The following TMEM116 variants were observed in gnomAD, a reference collection of about 807,000 sequenced individuals.
TMEM116 encodes transmembrane protein 116.
In TMEM116, 38 loss-of-function variants were observed where a neutral mutation model predicts 44.3. The observed-to-expected ratio is 0.86, with a 90% CI of 0.66 to 1.12. TMEM116 has a LOEUF of 1.12. Ranked by LOEUF, TMEM116 falls within the 50% of genes most tolerant of loss-of-function variation. The pLI is 0.00. For missense variants in TMEM116, 354 were observed against 401.7 expected (o/e 0.88, Z 1.01); for synonymous variants, 132 against 144.8 (o/e 0.91, Z 0.64).
chr12:111,985,277 TACACAC>T (rs34447209), intron 4 of TMEM116, among the ~76,000 whole-genome samples: 8 of 148,970 alleles, frequency 5.4e-5, no homozygotes, highest in African/African-American at 1.2e-4. Context: ...CTCTAAAGAT[TACACAC>T]ACACACACAC....
intron 4 of TMEM116, among the ~76,000 whole-genome samples, chr12:111,983,153 TG>T (rs1211999633): frequency 6.6e-6 from 1 of 151,204 alleles, no homozygotes; most frequent in Non-Finnish European, 1.5e-5. Context: ...AAAAATTAGC[TG>T]GGGCCAGGCA....
Position 111,991,861 on chromosome 12 carries a change from C to T in TMEM116, c.107G>A (p.Cys36Tyr), listed in dbSNP as rs950214202. 1 of 1,535,930 alleles carries T rather than the reference C, an allele frequency of 6.5e-7. No individual in the cohort carries two copies. Among genetic ancestry groups the T allele is most frequent in the Non-Finnish European group, 8.7e-7 (1 of 1,146,562 alleles). The change falls in exon 4 of 11, where the codon TGT (cysteine) becomes TAT (tyrosine). Residue 36 changes from cysteine to tyrosine, a missense_variant. Physicochemically the swap from Cys to Tyr is radical, Grantham distance 194 (BLOSUM62 -2). Coordinates refer to ENST00000552374, the MANE Select transcript of TMEM116 (RefSeq NM_001193531.2). Reference sequence around the variant, plus strand: ...CCAGCAAAGTCCCAGGAGCAGGTCACAGAAGCTCAGATAAAAAAGTGGTCT... The same window carrying T: ...CCAGCAAAGTCCCAGGAGCAGGTCATAGAAGCTCAGATAAAAAAGTGGTCT... ...EIRPLFYLSF[C>Y]DLLLGLCWLT...
rs751483980 is a variant in TMEM116 at position 111,936,809 on chromosome 12, TG to T, written c.470del (p.Pro157HisfsTer54). On this transcript the variant is annotated frameshift_variant, in exon 8 of 11. Coordinates refer to ENST00000552374, the MANE Select transcript of TMEM116 (RefSeq NM_001193531.2). LOFTEE classifies it high-confidence loss of function. ...GTGGAAGTTCAGCCATGGCTGATGG[TG>T]GTGAGTGCATCAAGATACACCTAGG... ...QSHKCILMHS[P>X]PSAMAELPPS... The T allele has an allele frequency of 8.0e-5, 129 of 1,609,228 alleles. No individual in the cohort carries two copies. Among genetic ancestry groups the T allele is most frequent in the Non-Finnish European group, 1.0e-4 (120 of 1,177,756 alleles).
chr12:111,973,398 T>C (rs1163786903), intron 4 of TMEM116, among the ~76,000 whole-genome samples: 5 of 152,190 alleles, frequency 3.3e-5, no homozygotes, highest in African/African-American at 1.2e-4. Flanking sequence ...CCATGGCACA[T>C]GCCCATATTC....
intron 4 of TMEM116, among the ~76,000 whole-genome samples, chr12:111,951,030 T>A (rs981103601): frequency 1.2e-4 from 18 of 151,968 alleles, no homozygotes; most frequent in African/African-American, 4.3e-4. Flanking sequence ...CATGAACAGA[T>A]ACTTTTCAAA....
intron 4 of TMEM116, among the ~76,000 whole-genome samples, chr12:111,961,798 T>C (rs565703785): frequency 6.6e-6 from 1 of 152,286 alleles, no homozygotes; most frequent in African/African-American, 2.4e-5. Flanking sequence ...CTATTCAACA[T>C]AGTATTGGAA....
chr12:111,943,167 G>T (rs1191017273), intron 5 of TMEM116, 98 bp downstream of exon 5: 15 of 921,740 alleles, frequency 1.6e-5, no homozygotes, highest in Non-Finnish European at 2.3e-5. Context: ...TAAGCAATCT[G>T]CCCCCCTCAG....
At position 111,943,485 on chromosome 12, in the gene TMEM116, T is replaced by C. The variant is rs2073027173; in HGVS notation, c.211-116A>G. On this transcript the variant is annotated intron_variant, in intron 4 of 10. Transcript: ENST00000552374. The stretch of plus-strand genomic sequence containing the variant: ...ATCCTACCTACTAGTCTATTAGTAA[T>C]GTACCATCTAGTGTCCATACCAGGC... 8 of 748,904 alleles carry C rather than the reference T, an allele frequency of 1.1e-5. No homozygotes were observed. The South Asian group carries it at 1.2e-4, about 11-fold the overall frequency. The allele number at this position is 748,904 out of a possible 1,614,324, so 46.4% of individuals were successfully genotyped here. A position where few individuals can be genotyped will look rare whatever the true frequency, so the allele number is the denominator to read the frequency against.
At position 111,937,260 on chromosome 12, in the gene TMEM116, G is replaced by A. The variant is rs1224738314; in HGVS notation, c.366-17C>T. The stretch of plus-strand genomic sequence containing the variant: ...GGTATCAGGCTGGGAGGGAAAAAAA[G>A]TATCACCCTAATATCCACTCTTTTT... On this transcript the variant is annotated splice_polypyrimidine_tract_variant and intron_variant, in intron 6 of 10. Transcript: ENST00000552374. 3 of 1,596,894 alleles carry A rather than the reference G, an allele frequency of 1.9e-6. No individual in the cohort carries two copies.
At chr12:111,993,070 C>T (rs989382462) in intron 3 of TMEM116, 2 of 181,820 alleles carry the variant, frequency 1.1e-5, no homozygotes, top group Admixed American at 6.0e-5. Context: ...GATGGCCTCA[C>T]GGACCTCCAC....
Position 111,931,728 on chromosome 12 carries a change from C to G in TMEM116, c.907G>C (p.Asp303His). 3.1e-6 allele frequency: 5 copies of G among 1,613,234 alleles called. No homozygotes were observed. Among genetic ancestry groups the G allele is most frequent in the Non-Finnish European group, 4.2e-6 (5 of 1,179,642 alleles). ...GAGCATAATAATGGTGTCTGGGTAT[C>G]TGCATCACGCCGAGCCTCCTGCTTT... is the stretch of plus-strand genomic sequence containing the variant. Reference protein sequence around the residue: ...QLKQEARRDADTQTPLLCSQK... With the variant: ...QLKQEARRDAHTQTPLLCSQK... The change falls in exon 11 of 11, where the codon GAT becomes CAT. Residue 303 changes from aspartate (D) to histidine (H), a missense_variant. Transcript: ENST00000552374.
At chr12:111,950,297 T>C (rs1468772843) in intron 4 of TMEM116, among the ~76,000 whole-genome samples, 2 of 152,120 alleles carry the variant, frequency 1.3e-5, no homozygotes, top group Non-Finnish European at 2.9e-5. Flanking sequence ...GATGCCTTTA[T>C]GCTGTGGACA....
chr12:111,972,090 A>C (rs1158861806), intron 4 of TMEM116, among the ~76,000 whole-genome samples: 1 of 150,844 alleles, frequency 6.6e-6, no homozygotes, highest in East Asian at 1.9e-4. Context: ...AAAAAAAAAA[A>C]AAAAAACCCA....
In TMEM116 at chr12:111,972,549, C is replaced by T. The variant is rs2075407096; in HGVS notation, c.210+19209G>A. On this transcript the variant is annotated intron_variant, in intron 4 of 10. Transcript: ENST00000552374. ...ATGTAATTTTTCTTTCAAATGCATA[C>T]AGAACATCTACCAAGATGGAACATA... 2.0e-5 allele frequency among the ~76,000 whole-genome samples: 3 copies of T among 152,266 alleles called. No homozygotes were observed. In the South Asian group the frequency reaches 6.2e-4, roughly 32 times the overall value.
At chr12:111,976,335 A>G (rs984806939) in intron 4 of TMEM116, among the ~76,000 whole-genome samples, 4 of 152,044 alleles carry the variant, frequency 2.6e-5, no homozygotes, top group Non-Finnish European at 5.9e-5. Context: ...AAGCTATAGC[A>G]TACATTAAAT....
chr12:111,995,957 T>C (rs1361829606), intron 3 of TMEM116, among the ~76,000 whole-genome samples: 2 of 151,006 alleles, frequency 1.3e-5, no homozygotes, highest in Non-Finnish European at 2.9e-5. Context: ...GGAGGATCAC[T>C]TGAGCCCAGG....
intron 4 of TMEM116, chr12:111,978,867 C>A: frequency 2.7e-6 from 1 of 372,780 alleles, no homozygotes; most frequent in Non-Finnish European, 5.4e-6. Context: ...AGACACCATG[C>A]AGACACTAAT....
At chr12:111,967,866 G>A (rs1159598367) in intron 4 of TMEM116, among the ~76,000 whole-genome samples, 1 of 152,080 alleles carries the variant, frequency 6.6e-6, no homozygotes, top group South Asian at 2.1e-4. Context: ...ACAACAAAGG[G>A]CAATAATCTC....
At chr12:111,943,495 A>G in intron 4 of TMEM116, 126 bp from the exon 5 acceptor site, 1 of 704,816 alleles carries the variant, frequency 1.4e-6, no homozygotes. Flanking sequence ...TGTACCATCT[A>G]GTGTCCATAC....
Sources: allele counts gnomAD v4.1 joint callset (sites outside exome capture counted in the v4.1 genomes callset), GRCh38; gene constraint gnomAD v4.1.1; transcripts MANE v1.5; gene names NCBI Gene and HGNC (gene_info 2026-07-23, HGNC 2026-07-21).